HERPUD2: variants seen among roughly 807,000 people sequenced by gnomAD.
HERPUD2 encodes homocysteine-responsive endoplasmic reticulum-resident ubiquitin-like domain member 2 protein.
A neutral mutation model predicts 49.9 loss-of-function variants in HERPUD2; 13 were observed. That is an observed-to-expected ratio of 0.26 (90% CI 0.17 to 0.41). The LOEUF is 0.41. Ranked by LOEUF, HERPUD2 falls within the 10% of genes least tolerant of loss-of-function variation. HERPUD2 has a pLI of 1.00. For missense variants in HERPUD2, 449 were observed against 492.2 expected (o/e 0.91, Z 0.83); for synonymous variants, 172 against 171.4 (o/e 1.00, Z -0.03).
At chr7:35,654,757 C>A (rs1171078090) in intron 5 of HERPUD2, among the ~76,000 whole-genome samples, 1 of 151,528 alleles carries the variant, frequency 6.6e-6, no homozygotes, top group Non-Finnish European at 1.5e-5. Flanking sequence ...CTGACTGCAA[C>A]CTCCACCTTC....
intron 7 of HERPUD2, 71 bp downstream of exon 7, chr7:35,635,064 T>C (rs764789589): frequency 5.8e-5 from 65 of 1,124,170 alleles, no homozygotes; most frequent in East Asian, 9.8e-5. Flanking sequence ...CACAACAGAC[T>C]ACCCTACACC....
At chr7:35,634,771 C>T (rs974553527) in intron 7 of HERPUD2, among the ~76,000 whole-genome samples, 8 of 152,124 alleles carry the variant, frequency 5.3e-5, no homozygotes, top group African/African-American at 1.9e-4. Context: ...AAATAGTCTA[C>T]TTATGAAAAA....
rs927172186 is a variant in HERPUD2 at position 35,632,743 on chromosome 7, A to G, written c.*947T>C. 11 of 152,600 alleles carry G rather than the reference A, an allele frequency of 7.2e-5. No homozygotes were observed. Among genetic ancestry groups the G allele is most frequent in the Non-Finnish European group, 1.5e-4 (10 of 68,028 alleles). 9.5% of individuals were successfully genotyped at this position (152,600 alleles called of 1,614,324 possible). A position where few individuals can be genotyped will look rare whatever the true frequency, so the allele number is the denominator to read the frequency against. On this transcript the variant is annotated 3_prime_UTR_variant, in exon 9 of 9. Coordinates refer to ENST00000311350, the MANE Select transcript of HERPUD2 (RefSeq NM_022373.5). Reference sequence around the variant, plus strand: ...TTTTATAAAAGTACTGCCTATATCAAACATTTTATATCACGTTAATTCCAT... The same window carrying G: ...TTTTATAAAAGTACTGCCTATATCAGACATTTTATATCACGTTAATTCCAT...
At chr7:35,646,035 G>C (rs1463123709) in intron 5 of HERPUD2, among the ~76,000 whole-genome samples, 1 of 151,954 alleles carries the variant, frequency 6.6e-6, no homozygotes, top group African/African-American at 2.4e-5. Flanking sequence ...CCTAAGAATA[G>C]GGAATGGGCT....
chr7:35,670,176 A>C, intron 4 of HERPUD2, 39 bp downstream of exon 4: 1 of 1,046,150 alleles, frequency 9.6e-7, no homozygotes, highest in South Asian at 1.6e-5. Context: ...ACGAAAAAAA[A>C]AGAAAAGTTC....
At chr7:35,648,484 G>A (rs1330334248) in intron 5 of HERPUD2, among the ~76,000 whole-genome samples, 1 of 152,088 alleles carries the variant, frequency 6.6e-6, no homozygotes, top group African/African-American at 2.4e-5. Flanking sequence ...CAAATCTAGG[G>A]CTTTATTTCC....
chr7:35,654,250 G>T (rs1205783224), intron 5 of HERPUD2, among the ~76,000 whole-genome samples: 2 of 148,726 alleles, frequency 1.3e-5, no homozygotes, highest in Non-Finnish European at 3.0e-5. Flanking sequence ...CAATACAAAA[G>T]ATCAACAAAA....
At chr7:35,679,819 A>T (rs1178397964) in intron 2 of HERPUD2, among the ~76,000 whole-genome samples, 3 of 152,092 alleles carry the variant, frequency 2.0e-5, no homozygotes, top group African/African-American at 7.2e-5. Context: ...CAATTCCCTA[A>T]ATCCTTCCTC....
intron 2 of HERPUD2, among the ~76,000 whole-genome samples, chr7:35,676,680 G>A (rs1785767280): frequency 6.6e-6 from 1 of 152,260 alleles, no homozygotes; most frequent in South Asian, 2.1e-4. Context: ...TTTATAAAGA[G>A]AAACTTAAAT....
chr7:35,659,986 G>A (rs762027798), intron 5 of HERPUD2, among the ~76,000 whole-genome samples: 7 of 151,538 alleles, frequency 4.6e-5, no homozygotes, highest in African/African-American at 7.3e-5. Context: ...CCATTAACTC[G>A]TCATCTACAT....
intron 5 of HERPUD2, among the ~76,000 whole-genome samples, chr7:35,657,061 T>C (rs1033409027): frequency 6.7e-6 from 1 of 149,794 alleles, no homozygotes; most frequent in African/African-American, 2.4e-5. Flanking sequence ...ATCAACAGAG[T>C]GAAGAGGCAA....
rs1304864843 is a variant in HERPUD2, at chr7:35,667,447, A to T, written c.481T>A (p.Tyr161Asn). ...TDQAQSHQFPYVMQGNVDNQF... is the reference protein window; with the variant it reads ...TDQAQSHQFPNVMQGNVDNQF... The stretch of plus-strand genomic sequence containing the variant: ...AATTTCACTTACCCTTGCATTACAT[A>T]TGGAAACTGGTGACTCTGTGCTTGG... The change falls in exon 5 of 9, where the codon TAT (tyrosine) becomes AAT (asparagine). Residue 161 changes from tyrosine to asparagine, a missense_variant. Transcript: ENST00000311350. The T allele has an allele frequency of 1.9e-6, 3 of 1,613,184 alleles. No homozygotes were observed. Among genetic ancestry groups the T allele is most frequent in the East Asian group, 2.2e-5 (1 of 44,876 alleles).
intron 5 of HERPUD2, among the ~76,000 whole-genome samples, chr7:35,660,416 T>A (rs1360176828): frequency 6.6e-6 from 1 of 152,190 alleles, no homozygotes; most frequent in East Asian, 1.9e-4. Context: ...CTGGGTCAAA[T>A]GGTATTTCTA....
At chr7:35,634,263 G>A (rs373165428) in intron 8 of HERPUD2, 49 bp downstream of exon 8, 6 of 1,181,294 alleles carry the variant, frequency 5.1e-6, no homozygotes, top group Non-Finnish European at 7.6e-6. Flanking sequence ...CCCATACCGT[G>A]CTGGGAAAAT....
chr7:35,634,428 G>T lies in HERPUD2; in HGVS notation c.943C>A (p.His315Asn). The change falls in exon 8 of 9, where the codon CAC becomes AAC. Residue 315 changes from histidine to asparagine, a missense_variant and splice_region_variant. Physicochemically the swap from His to Asn is moderately conservative, Grantham distance 68. Transcript: ENST00000311350. ...VMGAMLLVYL[H>N]QAGWFPFRQE... ...CTAAAAGGAAACCATCCAGCTTGGT[G>T]TCTGTTCAGTAAAATAAAGAGAAAA... is the stretch of plus-strand genomic sequence containing the variant. The T allele has an allele frequency of 1.3e-6, 2 of 1,582,880 alleles. No individual in the cohort carries two copies. The highest frequency in any genetic ancestry group is 1.7e-6 in the Non-Finnish European group (2 of 1,151,964).
chr7:35,635,873 C>T (rs944282950), intron 6 of HERPUD2, among the ~76,000 whole-genome samples: 1 of 152,154 alleles, frequency 6.6e-6, no homozygotes, highest in Middle Eastern at 3.2e-3. Flanking sequence ...TTTTGAAAGG[C>T]TTGTCTAAAA....
At chr7:35,661,716 A>G (rs1416063250) in intron 5 of HERPUD2, among the ~76,000 whole-genome samples, 2 of 152,198 alleles carry the variant, frequency 1.3e-5, no homozygotes, top group Non-Finnish European at 2.9e-5. Flanking sequence ...AATTTTGCAC[A>G]TTGATTTTGT....
chr7:35,632,804 C>T lies in HERPUD2; in HGVS notation c.*886G>A, dbSNP rs940365566. Reference sequence around the variant, plus strand: ...CCTTTTTCTGTTAAGGTACTGATTCCAATTGATGGGATACATGCCCTTAAT... The same window carrying T: ...CCTTTTTCTGTTAAGGTACTGATTCTAATTGATGGGATACATGCCCTTAAT... On this transcript the variant is annotated 3_prime_UTR_variant, in exon 9 of 9. Transcript: ENST00000311350. 3 of 152,362 alleles carry T rather than the reference C, an allele frequency of 2.0e-5. No individual in the cohort carries two copies. Among genetic ancestry groups the T allele is most frequent in the Non-Finnish European group, 4.4e-5 (3 of 67,996 alleles). The allele number at this position is 152,362 out of a possible 1,614,324, so 9.4% of individuals were successfully genotyped here.
At chr7:35,639,715 A>G (rs1784937253) in intron 5 of HERPUD2, among the ~76,000 whole-genome samples, 1 of 152,202 alleles carries the variant, frequency 6.6e-6, no homozygotes, top group African/African-American at 2.4e-5. Context: ...TATATTCTAA[A>G]GACTGTTTAC....
Sources: gnomAD v4.1 joint callset for allele counts (sites outside exome capture counted in the v4.1 genomes callset) on GRCh38, gnomAD v4.1.1 for gene constraint, MANE v1.5 for transcripts, NCBI Gene and HGNC (gene_info 2026-07-23, HGNC 2026-07-21) for gene names.